The following TEN1 variants were observed in gnomAD, a reference collection of about 807,000 sequenced individuals.
The protein encoded by TEN1 is CST complex subunit TEN1.
TEN1 carries 6 observed loss-of-function variants against 9.3 expected under a neutral mutation model. The ratio of observed to expected loss-of-function variants is 0.65; its 90% CI spans 0.35 to 1.27. The LOEUF (loss-of-function observed/expected upper bound fraction) is 1.27, where lower values mean the gene tolerates loss of function less well. Among genes scored for constraint, TEN1 ranks in the 50% most tolerant of loss-of-function variants. TEN1 has a pLI of 0.03. For missense variants in TEN1, 149 were observed against 158.2 expected (o/e 0.94, Z 0.31); for synonymous variants, 65 against 65.6 (o/e 0.99, Z 0.04).
At chr17:75,985,467 T>TTAATTTTTCAAC (rs1245799840) in intron 1 of TEN1, among the ~76,000 whole-genome samples, 8 of 152,168 alleles carry the variant, frequency 5.3e-5, no homozygotes, top group African/African-American at 1.9e-4. Context: ...AATTTTTTCA[T>TTAATTTTTCAAC]AGAGATGAAG....
rs1457593077 is a variant in TEN1, at chr17:75,979,268, G to A, written c.-250G>A. On this transcript the variant is annotated 5_prime_UTR_variant, in exon 1 of 4. Transcript: ENST00000397640. ...TTGGCGCGTGAGTGACAGCGGCCCA[G>A]ACAGAGGGGGCGATGTCCGCGTCGT... 3 of 730,458 alleles carry A rather than the reference G, an allele frequency of 4.1e-6. No individual in the cohort carries two copies. The highest frequency in any genetic ancestry group is 3.4e-5 in the South Asian group (2 of 59,386). The allele number at this position is 730,458 out of a possible 1,614,324, so 45.2% of individuals were successfully genotyped here.
At chr17:75,980,372 G>A (rs2066108742) in intron 1 of TEN1, among the ~76,000 whole-genome samples, 1 of 151,748 alleles carries the variant, frequency 6.6e-6, no homozygotes, top group African/African-American at 2.4e-5. Flanking sequence ...AAACAGTTCT[G>A]CCCAGTGGGA....
At chr17:75,986,372 T>C (rs1173110025) in intron 2 of TEN1, 88 bp downstream of exon 2, 1 of 1,205,016 alleles carries the variant, frequency 8.3e-7, no homozygotes, top group Non-Finnish European at 1.1e-6. Flanking sequence ...TAGAAAAGAT[T>C]TTTATAACTT....
At chr17:75,990,140 G>A (rs2066176413) in intron 2 of TEN1, among the ~76,000 whole-genome samples, 1 of 151,616 alleles carries the variant, frequency 6.6e-6, no homozygotes, top group Admixed American at 6.6e-5. Flanking sequence ...CTGCCTCTTG[G>A]GCTCCAGTGA....
chr17:75,985,955 A>T (rs2066149633), intron 1 of TEN1, among the ~76,000 whole-genome samples: 2 of 151,778 alleles, frequency 1.3e-5, no homozygotes, highest in African/African-American at 4.8e-5. Context: ...TTTGTTACAT[A>T]TGTATACATG....
rs1273184372 is a variant in TEN1, at chr17:75,979,395, C to T, written c.-123C>T. ...GGGCTCCGAAGGTCAAGAAACTGCC[C>T]TGCTGGGCGTCCGGGGAGTGGGAAA... is the stretch of plus-strand genomic sequence containing the variant. On this transcript the variant is annotated 5_prime_UTR_variant, in exon 1 of 4. Coordinates refer to ENST00000397640, the MANE Select transcript of TEN1 (RefSeq NM_001113324.3). The T allele has an allele frequency of 2.0e-6, 1 of 494,958 alleles. No homozygotes were observed. Among genetic ancestry groups the T allele is most frequent in the Non-Finnish European group, 3.7e-6 (1 of 271,184 alleles). 30.7% of individuals were successfully genotyped at this position (494,958 alleles called of 1,614,324 possible). A position where few individuals can be genotyped will look rare whatever the true frequency, so the allele number is the denominator to read the frequency against.
rs548085282 is a variant in TEN1 at position 75,999,221 on chromosome 17, C to G, written c.251-920C>G. Among the ~76,000 whole-genome samples, 273 of 152,222 alleles carry G rather than the reference C, an allele frequency of 1.8e-3. 5 individuals carry two copies. The highest frequency in any genetic ancestry group is 0.018 in the Admixed American group (269 of 15,290). On this transcript the variant is annotated intron_variant, in intron 3 of 3. Transcript: ENST00000397640. ...ATTAGCTGGGTGTGGTGGTGCGTCC[C>G]TGTAGTCCCAGCTCCTCAGGAAGCT...
At chr17:75,991,164 A>G (rs867314376) in intron 2 of TEN1, among the ~76,000 whole-genome samples, 3 of 150,610 alleles carry the variant, frequency 2.0e-5, no homozygotes, top group Non-Finnish European at 3.0e-5. Flanking sequence ...AAAAAAAAAA[A>G]AAAAGAAAAA....
In TEN1 at chr17:75,979,446, C is replaced by T. The variant is rs2066096598; in HGVS notation, c.-72C>T. The T allele has an allele frequency of 2.7e-6, 1 of 368,724 alleles. No homozygotes were observed. The highest frequency in any genetic ancestry group is 3.9e-5 in the Admixed American group (1 of 25,348). The allele number at this position is 368,724 out of a possible 1,614,324, so 22.8% of individuals were successfully genotyped here. A position where few individuals can be genotyped will look rare whatever the true frequency, so the allele number is the denominator to read the frequency against. On this transcript the variant is annotated 5_prime_UTR_variant, in exon 1 of 4. Transcript: ENST00000397640. ...ATAAAGCACTTTTTGTATCCCGCCCCTCCCCCGTCACGTGACCACGCGAGG... is the reference window on the plus strand; with the variant it reads ...ATAAAGCACTTTTTGTATCCCGCCCTTCCCCCGTCACGTGACCACGCGAGG...
rs1268278855 is a variant in TEN1, at chr17:75,991,507, T to C, written c.134T>C (p.Met45Thr). Reference sequence around the variant, plus strand: ...ATGATTCAGTCCAGAGTAACACTGATGGCTCAGCACGGATCCGATCAGCAC... The same window carrying C: ...ATGATTCAGTCCAGAGTAACACTGACGGCTCAGCACGGATCCGATCAGCAC... ...YDMIQSRVTL[M>T]AQHGSDQHQV... The change falls in exon 3 of 4, where the codon ATG (methionine) becomes ACG (threonine). Residue 45 changes from methionine to threonine, a missense_variant. Met to Thr is a moderately conservative substitution (Grantham distance 81). Transcript: ENST00000397640. 13 of 1,552,372 alleles carry C rather than the reference T, an allele frequency of 8.4e-6. No homozygotes were observed. Among genetic ancestry groups the C allele is most frequent in the Non-Finnish European group, 1.0e-5 (12 of 1,147,136 alleles).
chr17:75,990,049 G>C (rs1351293496), intron 2 of TEN1, among the ~76,000 whole-genome samples: 4 of 147,468 alleles, frequency 2.7e-5, no homozygotes, highest in Non-Finnish European at 4.5e-5. Flanking sequence ...GCCCAACCTA[G>C]ATTTTTTTTT....
intron 3 of TEN1, among the ~76,000 whole-genome samples, chr17:75,999,059 A>G (rs1463253607): frequency 1.3e-5 from 2 of 152,040 alleles, no homozygotes; most frequent in Non-Finnish European, 2.9e-5. Context: ...GAAAAAAAAA[A>G]TGTCAGCAAT....
chr17:75,992,959 G>GGTT (rs1555621802), intron 3 of TEN1, among the ~76,000 whole-genome samples: 2 of 134,960 alleles, frequency 1.5e-5, no homozygotes, highest in Non-Finnish European at 1.6e-5. Flanking sequence ...CTTACTGCTG[G>GGTT]TTTTTTTTTT....
intron 1 of TEN1, among the ~76,000 whole-genome samples, chr17:75,980,753 G>T (rs545054889): frequency 2.6e-3 from 403 of 152,262 alleles, no homozygotes; most frequent in African/African-American, 8.6e-3. Flanking sequence ...CTATGACTTT[G>T]GTTTTCTCAG....
intron 2 of TEN1, among the ~76,000 whole-genome samples, chr17:75,989,761 A>T (rs2066173907): frequency 6.6e-6 from 1 of 151,070 alleles, no homozygotes; most frequent in Non-Finnish European, 1.5e-5. Flanking sequence ...GGGAAAGCAT[A>T]GTCCTTTCAA....
chr17:75,985,365 C>T (rs138608895), intron 1 of TEN1, among the ~76,000 whole-genome samples: 96 of 152,122 alleles, frequency 6.3e-4, no homozygotes, highest in Non-Finnish European at 1.0e-3. Flanking sequence ...CCAGACTGGT[C>T]CCGAATTCCT....
chr17:75,994,984 T>A (rs1598216398), intron 3 of TEN1, among the ~76,000 whole-genome samples: 1 of 151,970 alleles, frequency 6.6e-6, no homozygotes, highest in African/African-American at 2.4e-5. Context: ...CAATTTGGGA[T>A]GCCAAGGAAG....
intron 3 of TEN1, among the ~76,000 whole-genome samples, chr17:75,993,739 G>A (rs928318910): frequency 6.6e-6 from 1 of 152,166 alleles, no homozygotes; most frequent in Admixed American, 6.5e-5. Flanking sequence ...GCTCACGCCT[G>A]TAATCCCAGC....
At chr17:75,992,662 G>A (rs1205693827) in intron 3 of TEN1, among the ~76,000 whole-genome samples, 3 of 151,300 alleles carry the variant, frequency 2.0e-5, no homozygotes, top group African/African-American at 7.3e-5. Flanking sequence ...ATGGGCGCCC[G>A]CCACCACGCC....
Sources: allele counts gnomAD v4.1 joint callset (sites outside exome capture counted in the v4.1 genomes callset), GRCh38; gene constraint gnomAD v4.1.1; transcripts MANE v1.5; gene names NCBI Gene and HGNC (gene_info 2026-07-23, HGNC 2026-07-21).